The following HMCN2 variants were observed in gnomAD, a reference collection of about 807,000 sequenced individuals.
HMCN2 encodes the protein hemicentin-2.
Under a neutral mutation model 377.5 loss-of-function variants are expected in HMCN2, and 325 were observed. The observed-to-expected ratio is 0.86, with a 90% CI of 0.79 to 0.94. The LOEUF (loss-of-function observed/expected upper bound fraction) is 0.94, where lower values mean the gene tolerates loss of function less well. Ranked by LOEUF, HMCN2 falls within the 40% of genes least tolerant of loss-of-function variation. The probability of loss-of-function intolerance (pLI) is 0.00; values close to 1 mark genes in which losing one functional copy is unlikely to be tolerated. For synonymous variants in HMCN2, 2,007 were observed against 2,046.8 expected (o/e 0.98, Z 0.53); for missense variants, 4,543 against 4,725.3 (o/e 0.96, Z 1.13).
At position 130,422,046 on chromosome 9, in the gene HMCN2, T is replaced by C. The variant is rs919202756; in HGVS notation, c.13232-531T>C. On this transcript the variant is annotated intron_variant, in intron 86 of 97. Coordinates refer to ENST00000683500, the MANE Select transcript of HMCN2 (RefSeq NM_001291815.2). This position sits in a 1 kb window ranked among gnomAD's most constrained non-coding sequence, Gnocchi z 4.2. Reference sequence around the variant, plus strand: ...GCGCTAAAGAGCATCTGCTCACAGATGGCCTGGCGGGCAGCGGCTAGGAAA... The same window carrying C: ...GCGCTAAAGAGCATCTGCTCACAGACGGCCTGGCGGGCAGCGGCTAGGAAA... 1.3e-5 allele frequency among the ~76,000 whole-genome samples: 2 copies of C among 152,196 alleles called. No homozygotes were observed. Among genetic ancestry groups the C allele is most frequent in the Non-Finnish European group, 2.9e-5 (2 of 68,034 alleles).
At chr9:130,339,643 C>T (rs1469864387) in intron 23 of HMCN2, among the ~76,000 whole-genome samples, 1 of 152,218 alleles carries the variant, frequency 6.6e-6, no homozygotes. Context: ...CAATAAAGCC[C>T]ATCCCATTGT....
At chr9:130,368,228 G>T (rs7029167) in intron 43 of HMCN2, 48 bp from the exon 44 acceptor site, 2 of 978,412 alleles carry the variant, frequency 2.0e-6, no homozygotes, top group Non-Finnish European at 2.4e-6. Context: ...AAGACATCAC[G>T]TCCTTGCAAA....
intron 1 of HMCN2, among the ~76,000 whole-genome samples, chr9:130,273,498 C>CT (rs1337525415): frequency 3.2e-4 from 47 of 146,938 alleles, no homozygotes; most frequent in South Asian, 2.6e-3. Flanking sequence ...TCTTGTCTTG[C>CT]TTTTTTTTTT....
intron 80 of HMCN2, among the ~76,000 whole-genome samples, chr9:130,404,314 C>T (rs981915803): frequency 3.3e-5 from 5 of 152,198 alleles, no homozygotes; most frequent in African/African-American, 9.6e-5. Flanking sequence ...TGGCCATCCC[C>T]GCCCGCAGCT....
rs150681496 is a variant in HMCN2, at chr9:130,289,767, C to T, written c.612+3457C>T. Among the ~76,000 whole-genome samples the T allele has an allele frequency of 7.3e-3, 1,111 of 152,250 alleles. 13 individuals are homozygous for T. The highest frequency in any genetic ancestry group is 0.026 in the African/African-American group (1,064 of 41,542). On this transcript the variant is annotated intron_variant, in intron 4 of 97. Transcript: ENST00000683500. ...CTCTGAAAAAGATTCTCTGCTAGGGCGAGTGCCCAGGGTGCCCAGCTGGCA... is the reference window on the plus strand; with the variant it reads ...CTCTGAAAAAGATTCTCTGCTAGGGTGAGTGCCCAGGGTGCCCAGCTGGCA...
At chr9:130,271,869 A>G (rs1554921262) in intron 1 of HMCN2, among the ~76,000 whole-genome samples, 3 of 149,366 alleles carry the variant, frequency 2.0e-5, no homozygotes, top group African/African-American at 7.3e-5. Context: ...TTTATATGTA[A>G]TCATCCGTGT....
At chr9:130,305,777 A>C (rs952852183) in intron 11 of HMCN2, among the ~76,000 whole-genome samples, 1 of 152,156 alleles carries the variant, frequency 6.6e-6, no homozygotes, top group East Asian at 1.9e-4. Flanking sequence ...CTTGGGGTCA[A>C]CCTCAAGGTC....
In HMCN2 at chr9:130,266,110, T is replaced by C. The variant is rs1328448299; in HGVS notation, c.232T>C (p.Tyr78His). The change falls in exon 1 of 98, where the codon TAC (tyrosine) becomes CAC (histidine). Residue 78 changes from tyrosine (Y) to histidine (H), a missense_variant. Tyr to His is a moderately conservative substitution (Grantham distance 83). This residue lies in a region of HMCN2 where 547 missense variants were observed against 189.9 expected (regional missense o/e 2.88). Transcript: ENST00000683500. Reference sequence around the variant, plus strand: ...CCGCCGCAGCCAGGCCATCGCCAACTACGCGCTGGTGCCCTTCCACGACCC... The same window carrying C: ...CCGCCGCAGCCAGGCCATCGCCAACCACGCGCTGGTGCCCTTCCACGACCC... ...LSRRSQAIAN[Y>H]ALVPFHDPDI... 4 of 468,820 alleles carry C rather than the reference T, an allele frequency of 8.5e-6. No individual in the cohort carries two copies. Among genetic ancestry groups the C allele is most frequent in the Non-Finnish European group, 1.3e-5 (3 of 226,962 alleles). 29.0% of individuals were successfully genotyped at this position (468,820 alleles called of 1,614,324 possible). A position where few individuals can be genotyped will look rare whatever the true frequency, so the allele number is the denominator to read the frequency against.
intron 87 of HMCN2, among the ~76,000 whole-genome samples, chr9:130,424,301 C>T (rs1303522085): frequency 6.6e-6 from 1 of 151,478 alleles, no homozygotes; most frequent in Non-Finnish European, 1.5e-5. Flanking sequence ...GCCTCAGCCT[C>T]CCAAGTAGCT....
At chr9:130,386,336 G>A (rs968143385) in intron 60 of HMCN2, 107 bp from the exon 61 acceptor site, 9 of 500,018 alleles carry the variant, frequency 1.8e-5, no homozygotes, top group Non-Finnish European at 3.0e-5. Flanking sequence ...CAGCATATTT[G>A]GGAGGCCCCT....
In HMCN2 at chr9:130,325,629, T is replaced by C. The variant is rs2131416286; in HGVS notation, c.2955T>C (p.His985=). ...GAATCCATCCCACTGCCACCCACCA[T>C]ATCACCAATGAAGGGGTTGCGGCCT... is the stretch of plus-strand genomic sequence containing the variant. ...PPRIHPTATH[H]ITNEGVAASL... The change falls in exon 20 of 98, where the codon CAT becomes CAC. Residue 985 remains histidine (H), a synonymous_variant. Coordinates refer to ENST00000683500, the MANE Select transcript of HMCN2 (RefSeq NM_001291815.2). 6.6e-6 allele frequency: 1 copy of C among 152,276 alleles called. No individual in the cohort carries two copies. The highest frequency in any genetic ancestry group is 1.9e-4 in the East Asian group (1 of 5,198). 9.4% of individuals were successfully genotyped at this position (152,276 alleles called of 1,614,324 possible). A position where few individuals can be genotyped will look rare whatever the true frequency, so the allele number is the denominator to read the frequency against.
chr9:130,338,621 G>A (rs1294066455), intron 23 of HMCN2: 1 of 118,574 alleles, frequency 8.4e-6, no homozygotes, highest in African/African-American at 4.7e-5. Flanking sequence ...CCAGCCTGGT[G>A]GGGGGTCCCA....
intron 4 of HMCN2, among the ~76,000 whole-genome samples, chr9:130,286,987 C>A (rs1554928053): frequency 6.6e-6 from 1 of 152,212 alleles, no homozygotes; most frequent in African/African-American, 2.4e-5. Flanking sequence ...AGCACAGGAT[C>A]CTTTCAGGGG....
chr9:130,317,673 A>T (rs1255668144), intron 15 of HMCN2, among the ~76,000 whole-genome samples: 8 of 145,380 alleles, frequency 5.5e-5, no homozygotes, highest in African/African-American at 1.0e-4. Context: ...TTATATATAT[A>T]TTTTTTAGTA....
intron 74 of HMCN2, among the ~76,000 whole-genome samples, chr9:130,398,235 C>T (rs938351480): frequency 2.0e-5 from 3 of 151,788 alleles, no homozygotes; most frequent in African/African-American, 4.8e-5. Flanking sequence ...CCCCAGTCTC[C>T]TCCCCCTCCA....
At chr9:130,358,198 G>A (rs1840153527) in intron 35 of HMCN2, among the ~76,000 whole-genome samples, 192 bp from the exon 36 acceptor site, 1 of 152,210 alleles carries the variant, frequency 6.6e-6, no homozygotes, top group African/African-American at 2.4e-5. Flanking sequence ...GGGGGGACAG[G>A]GAATGGTATG....
Position 130,362,986 on chromosome 9 carries a change from C to T in HMCN2, c.6228C>T (p.Val2076=), listed in dbSNP as rs1840468045. The T allele has an allele frequency of 1.0e-6, 1 of 985,818 alleles. No individual in the cohort carries two copies. Among genetic ancestry groups the T allele is most frequent in the African/African-American group, 1.7e-5 (1 of 57,230 alleles). The allele number at this position is 985,818 out of a possible 1,614,324, so 61.1% of individuals were successfully genotyped here. A position where few individuals can be genotyped will look rare whatever the true frequency, so the allele number is the denominator to read the frequency against. ...ACCGCCAGGATGTTGTCCTGCAAGT[C>T]CACAGTGAGTCTCAGACTGGGAAAG... is the stretch of plus-strand genomic sequence containing the variant. ...GEDRQDVVLQ[V]HMPPSILGEE... Residue 2076 remains valine, a synonymous_variant, in exon 40 of 98, where the codon GTC becomes GTT. Coordinates refer to ENST00000683500, the MANE Select transcript of HMCN2 (RefSeq NM_001291815.2).
Position 130,394,056 on chromosome 9 carries a change from G to C in HMCN2, c.10501+48G>C. On this transcript the variant is annotated intron_variant, in intron 68 of 97. Coordinates refer to ENST00000683500, the MANE Select transcript of HMCN2 (RefSeq NM_001291815.2). This position sits in a 1 kb window ranked among gnomAD's most constrained non-coding sequence, Gnocchi z 5.1. Reference sequence around the variant, plus strand: ...AGCTTCTCTGGGCTCGGGGGAGAGGGTGGGACTCTAGGGGCAATGGGAAGG... The same window carrying C: ...AGCTTCTCTGGGCTCGGGGGAGAGGCTGGGACTCTAGGGGCAATGGGAAGG... 8.4e-6 allele frequency: 10 copies of C among 1,197,214 alleles called. No homozygotes were observed. Among genetic ancestry groups the C allele is most frequent in the Non-Finnish European group, 1.1e-5 (10 of 946,638 alleles). 74.2% of individuals were successfully genotyped at this position (1,197,214 alleles called of 1,614,324 possible). A position where few individuals can be genotyped will look rare whatever the true frequency, so the allele number is the denominator to read the frequency against.
chr9:130,368,696 G>A (rs560383511), intron 44 of HMCN2, among the ~76,000 whole-genome samples: 1 of 152,114 alleles, frequency 6.6e-6, no homozygotes, highest in Non-Finnish European at 1.5e-5. Context: ...CAATCATGGC[G>A]GAAGATGAAG....
Sources: gnomAD v4.1 joint callset for allele counts (sites outside exome capture counted in the v4.1 genomes callset) on GRCh38, gnomAD v4.1.1 for gene constraint, gnomAD v4.1.1 regional missense constraint, Gnocchi (gnomAD v3.1) non-coding constraint, MANE v1.5 for transcripts, NCBI Gene and HGNC (gene_info 2026-07-23, HGNC 2026-07-21) for gene names.